Variants in GAS6 observed in about 807,000 individuals in gnomAD.
GAS6 encodes growth arrest-specific protein 6.
Under a neutral mutation model 75.8 loss-of-function variants are expected in GAS6, and 41 were observed. The ratio of observed to expected loss-of-function variants is 0.54; its 90% CI spans 0.42 to 0.70. GAS6 has a LOEUF of 0.70. Ranked by LOEUF, GAS6 falls within the 30% of genes least tolerant of loss-of-function variation. The probability of loss-of-function intolerance (pLI) is 0.00; values close to 1 mark genes in which losing one functional copy is unlikely to be tolerated. For synonymous variants in GAS6, 432 were observed against 412.6 expected (o/e 1.05, Z -0.57); for missense variants, 854 against 940.2 (o/e 0.91, Z 1.20).
chr13:113,839,749 C>A lies in GAS6; in HGVS notation c.445G>T (p.Gly149Trp). The change falls in exon 5 of 15, where the codon GGG (glycine) becomes TGG (tryptophan). Residue 149 changes from glycine (G) to tryptophan (W), a missense_variant. By Grantham distance (184) the Gly-to-Trp change is radical. Transcript: ENST00000327773. ...NFFCLCKAGWGGRLCDKDVNE... is the reference protein window; with the variant it reads ...NFFCLCKAGWWGRLCDKDVNE... ...GTACCTTTGTCGCAGAGCCGGCCCC[C>A]CCAGCCAGCTTTACACAGGCAGAAG... 6.2e-7 allele frequency: 1 copy of A among 1,613,966 alleles called. No homozygotes were observed. The highest frequency in any genetic ancestry group is 8.5e-7 in the Non-Finnish European group (1 of 1,179,974).
chr13:113,826,666 A>G (rs1438506641), intron 12 of GAS6, among the ~76,000 whole-genome samples: 25 of 101,122 alleles, frequency 2.5e-4, no homozygotes, highest in African/African-American at 4.9e-4. Flanking sequence ...CCGGCCTCGC[A>G]GGCACCTTCT....
chr13:113,854,524 A>G (rs1253198326), intron 2 of GAS6, among the ~76,000 whole-genome samples: 3 of 152,238 alleles, frequency 2.0e-5, no homozygotes, highest in Non-Finnish European at 4.4e-5. Flanking sequence ...CCAAACACAG[A>G]GCATGCTCCC....
At chr13:113,834,468 C>A in intron 8 of GAS6, 83 bp downstream of exon 8, 1 of 1,353,844 alleles carries the variant, frequency 7.4e-7, no homozygotes, top group Non-Finnish European at 9.6e-7. Flanking sequence ...CAGGTCTTCA[C>A]GGAAGTGTTT....
chr13:113,854,164 G>A (rs1006305303), intron 2 of GAS6, among the ~76,000 whole-genome samples: 2 of 152,206 alleles, frequency 1.3e-5, no homozygotes, highest in African/African-American at 4.8e-5. Context: ...CCTCTTCCTG[G>A]GAGCTCATCC....
intron 2 of GAS6, among the ~76,000 whole-genome samples, chr13:113,862,819 C>T (rs1487548575): frequency 6.6e-6 from 1 of 152,186 alleles, no homozygotes; most frequent in Non-Finnish European, 1.5e-5. Context: ...GCTATGAAAT[C>T]ACCCTGACTT....
At chr13:113,831,492 C>T (rs1387009855) in intron 10 of GAS6, among the ~76,000 whole-genome samples, 4 of 152,098 alleles carry the variant, frequency 2.6e-5, no homozygotes, top group African/African-American at 7.2e-5. Flanking sequence ...CTGCGTGTAG[C>T]GTCAAGCAGC....
intron 13 of GAS6, 131 bp from the exon 14 acceptor site, chr13:113,822,317 C>G: frequency 3.0e-6 from 2 of 675,520 alleles, no homozygotes; most frequent in South Asian, 4.7e-5. Context: ...TCCCTGCAGC[C>G]CTGGGTCTGG....
intron 2 of GAS6, among the ~76,000 whole-genome samples, chr13:113,857,881 G>A (rs2051926924): frequency 6.6e-6 from 1 of 152,254 alleles, no homozygotes; most frequent in Non-Finnish European, 1.5e-5. Flanking sequence ...CCAAGTGCCT[G>A]CAGACGCCCG....
In GAS6 at chr13:113,837,617, T is replaced by C. The variant is rs1175770377; in HGVS notation, c.589+452A>G. On this transcript the variant is annotated intron_variant, in intron 6 of 14. Transcript: ENST00000327773. This position sits in a 1 kb window ranked among gnomAD's most constrained non-coding sequence, Gnocchi z 5.1. ...GCTGAGGGAACCCCAGACTGAAATA[T>C]GAAAGGAAGTGGGGAGGGCAGGGCT... Among the ~76,000 whole-genome samples the C allele has an allele frequency of 6.6e-6, 1 of 151,870 alleles. No homozygotes were observed. Among genetic ancestry groups the C allele is most frequent in the Non-Finnish European group, 1.5e-5 (1 of 67,958 alleles).
chr13:113,822,117 G>A lies in GAS6; in HGVS notation c.1723C>T (p.His575Tyr), dbSNP rs1378942475. 6.2e-7 allele frequency: 1 copy of A among 1,600,954 alleles called. No individual in the cohort carries two copies. The highest frequency in any genetic ancestry group is 8.5e-7 in the Non-Finnish European group (1 of 1,175,416). Reference protein sequence around the residue: ...MEIKVCDGQEHVVTVSLRDGE... With the variant: ...MEIKVCDGQEYVVTVSLRDGE... ...TCCCTCAGCGAGACGGTGACCACGT[G>A]CTCTTGGCCGTCGCAGACCTTGATC... The change falls in exon 14 of 15, where the codon CAC becomes TAC. Residue 575 changes from histidine (H) to tyrosine (Y), a missense_variant. Coordinates refer to ENST00000327773, the MANE Select transcript of GAS6 (RefSeq NM_000820.4).
intron 4 of GAS6, chr13:113,840,693 C>T (rs774815495): frequency 2.6e-5 from 4 of 152,280 alleles, no homozygotes; most frequent in Non-Finnish European, 4.4e-5. Context: ...CAATTACACC[C>T]GGAGCTCAAA....
At chr13:113,834,434 GATCCCC>G in intron 8 of GAS6, 111 bp downstream of exon 8, 2 of 1,098,610 alleles carry the variant, frequency 1.8e-6, no homozygotes, top group Non-Finnish European at 2.4e-6. Flanking sequence ...TGGCCCTGGA[GATCCCC>G]AACACCTTAG....
At position 113,851,424 on chromosome 13, in the gene GAS6, T is replaced by G. The variant is rs111206052; in HGVS notation, c.256-3374A>C. ...ATGAATGGATGAGTGGGTGGATAGG[T>G]GAATGGATGGACAGATGAATGAATG... is the stretch of plus-strand genomic sequence containing the variant. On this transcript the variant is annotated intron_variant, in intron 2 of 14. Coordinates refer to ENST00000327773, the MANE Select transcript of GAS6 (RefSeq NM_000820.4). Among the ~76,000 whole-genome samples the G allele has an allele frequency of 1.6e-4, 24 of 149,972 alleles. 1 individual carries two copies. The highest frequency in any genetic ancestry group is 5.7e-4 in the African/African-American group (23 of 40,544).
chr13:113,825,540 T>C (rs2051525770), intron 12 of GAS6, among the ~76,000 whole-genome samples: 3 of 152,154 alleles, frequency 2.0e-5, no homozygotes, highest in Admixed American at 1.3e-4. Flanking sequence ...TCTGTCCGGA[T>C]AGACCAAAAA....
At position 113,845,621 on chromosome 13, in the gene GAS6, T is replaced by C. The variant is rs2138654163; in HGVS notation, c.343+906A>G. ...CTGAAAAAATTTTTGATAACTTTAC[T>C]ACCAATGGCTAATGTGCAAACTCCT... On this transcript the variant is annotated intron_variant, in intron 4 of 14. Coordinates refer to ENST00000327773, the MANE Select transcript of GAS6 (RefSeq NM_000820.4). The surrounding 1 kb of genome is among the most constrained non-coding windows in gnomAD (Gnocchi z 4.3). 7.1e-6 allele frequency: 1 copy of C among 140,602 alleles called. No homozygotes were observed. The highest frequency in any genetic ancestry group is 3.1e-5 in the African/African-American group (1 of 32,106). 8.7% of individuals were successfully genotyped at this position (140,602 alleles called of 1,614,324 possible).
chr13:113,850,370 A>G (rs999994224), intron 2 of GAS6, among the ~76,000 whole-genome samples: 4 of 151,858 alleles, frequency 2.6e-5, no homozygotes, highest in Non-Finnish European at 4.4e-5. Flanking sequence ...GTACACACTG[A>G]CTCTCTTTCT....
intron 14 of GAS6, 188 bp downstream of exon 14, chr13:113,821,770 C>T (rs2051462051): frequency 3.5e-6 from 2 of 574,176 alleles, no homozygotes; most frequent in Admixed American, 3.3e-5. Flanking sequence ...CAGCCAATGA[C>T]CTGACCAGCA....
chr13:113,849,973 G>A (rs772679374), intron 2 of GAS6, among the ~76,000 whole-genome samples: 4 of 152,164 alleles, frequency 2.6e-5, no homozygotes, highest in Non-Finnish European at 4.4e-5. Context: ...GAAAGAAAAA[G>A]AGACATTTCA....
intron 2 of GAS6, among the ~76,000 whole-genome samples, chr13:113,857,643 T>C (rs998081678): frequency 9.2e-5 from 14 of 152,236 alleles, no homozygotes; most frequent in African/African-American, 3.1e-4. Flanking sequence ...ATGCCCCAGC[T>C]AGCAAGCTTA....
Sources: gnomAD v4.1 joint callset for allele counts (sites outside exome capture counted in the v4.1 genomes callset) on GRCh38, gnomAD v4.1.1 for gene constraint, Gnocchi (gnomAD v3.1) non-coding constraint, MANE v1.5 for transcripts, NCBI Gene and HGNC (gene_info 2026-07-23, HGNC 2026-07-21) for gene names.